PALM2AKAP2: variants seen among roughly 807,000 people sequenced by gnomAD.
PALM2AKAP2 encodes PALM2 and AKAP2 fusion, also known as PALM2-AKAP2 fusion protein.
In PALM2AKAP2, 37 loss-of-function variants were observed where a neutral mutation model predicts 71.5. The ratio of observed to expected loss-of-function variants is 0.52; its 90% confidence interval spans 0.40 to 0.68. The LOEUF (loss-of-function observed/expected upper bound fraction) is 0.68. Ranked by LOEUF, PALM2AKAP2 falls within the 30% of genes least tolerant of loss-of-function variation. The pLI, the probability that PALM2AKAP2 is intolerant of heterozygous loss-of-function variation, is 0.00. For synonymous variants in PALM2AKAP2, 468 were observed against 478.8 expected, an observed-to-expected ratio of 0.98 and a Z score of 0.29; for missense variants, 1,224 against 1,191.8, an observed-to-expected ratio of 1.03 and a Z score of -0.40.
intron 6 of PALM2AKAP2, among the ~76,000 whole-genome samples, chr9:110,003,416 C>A (rs1165890487): frequency 6.6e-6 from 1 of 152,078 alleles, no homozygotes; most frequent in Non-Finnish European, 1.5e-5. Context: ...AATTTCTATT[C>A]TTTTACATTT....
At chr9:110,034,782 T>G (rs1833351488) in intron 7 of PALM2AKAP2, among the ~76,000 whole-genome samples, 1 of 151,768 alleles carries the variant, frequency 6.6e-6, no homozygotes, top group Non-Finnish European at 1.5e-5. Flanking sequence ...TTTTTGTATT[T>G]TTAGTAGAGA....
chr9:109,845,465 T>TTC (rs1183353861), intron 1 of PALM2AKAP2, among the ~76,000 whole-genome samples: 1 of 152,236 alleles, frequency 6.6e-6, no homozygotes, highest in Admixed American at 6.5e-5. Flanking sequence ...ACTGTGGTGC[T>TTC]TCTCAGTATA....
upstream of PALM2AKAP2, among the ~76,000 whole-genome samples, chr9:109,779,016 C>A (rs1050994430): frequency 6.6e-6 from 1 of 152,062 alleles, no homozygotes; most frequent in East Asian, 1.9e-4. Flanking sequence ...GTGATCCACC[C>A]GCCTTGGCCT....
At chr9:109,835,210 AG>A (rs941629737) in intron 1 of PALM2AKAP2, among the ~76,000 whole-genome samples, 13 of 126,548 alleles carry the variant, frequency 1.0e-4, no homozygotes, top group Admixed American at 9.2e-4. Flanking sequence ...GAAAGAGGGG[AG>A]GGTGTAGGGA....
At chr9:109,676,922 AGT>A (rs1471353112) in intron 1 of PALM2AKAP2, among the ~76,000 whole-genome samples, 1 of 152,154 alleles carries the variant, frequency 6.6e-6, no homozygotes, top group Non-Finnish European at 1.5e-5. Context: ...ACTGTAATTG[AGT>A]GTTATTTAGT....
At chr9:109,911,310 G>A (rs1169751795) in intron 3 of PALM2AKAP2, among the ~76,000 whole-genome samples, 1 of 152,146 alleles carries the variant, frequency 6.6e-6, no homozygotes, top group East Asian at 1.9e-4. Flanking sequence ...TCACAACAAA[G>A]AAATCAGTGC....
At chr9:110,055,072 T>C (rs1266590686) in intron 1 of PALM2AKAP2, among the ~76,000 whole-genome samples, 1 of 152,208 alleles carries the variant, frequency 6.6e-6, no homozygotes, top group East Asian at 1.9e-4. Context: ...CTTCTATTTT[T>C]CATTAGTTGA....
At chr9:110,099,223 G>A (rs528132248) in intron 1 of PALM2AKAP2, among the ~76,000 whole-genome samples, 1 of 152,250 alleles carries the variant, frequency 6.6e-6, no homozygotes, top group African/African-American at 2.4e-5. Flanking sequence ...TTTTTCCTAC[G>A]GAATCAATTT....
At chr9:110,048,718 G>A (rs1447376857) in exon 1 of PALM2AKAP2, 2 of 1,548,050 alleles carry the variant, frequency 1.3e-6, no homozygotes, top group Non-Finnish European at 1.7e-6. Context: ...GCCCCAGCCC[G>A]GGGCTGCCGC....
intron 6 of PALM2AKAP2, among the ~76,000 whole-genome samples, chr9:109,992,945 A>ATG (rs35450108): frequency 7.1e-6 from 1 of 140,490 alleles, no homozygotes; most frequent in Non-Finnish European, 1.6e-5. Context: ...ATATGTATAT[A>ATG]TATATATATA....
intron 1 of PALM2AKAP2, among the ~76,000 whole-genome samples, chr9:109,727,639 G>A (rs747422379): frequency 6.6e-6 from 1 of 152,136 alleles, no homozygotes; most frequent in Non-Finnish European, 1.5e-5. Context: ...TTTACTAGAG[G>A]CAAAATGAAT....
At chr9:110,118,426 T>G (rs1181358972) in intron 1 of PALM2AKAP2, among the ~76,000 whole-genome samples, 1 of 152,042 alleles carries the variant, frequency 6.6e-6, no homozygotes. Flanking sequence ...TTTTGTATTT[T>G]TAGTAGAGAC....
chr9:110,117,973 T>TTGTGTGTGTGTGTGTG (rs1171400897), intron 1 of PALM2AKAP2, among the ~76,000 whole-genome samples: 32 of 138,560 alleles, frequency 2.3e-4, no homozygotes, highest in South Asian at 4.7e-4. Flanking sequence ...ATATGTCGTT[T>TTGTGTGTGTGTGTGTG]TGTGTGTGTG....
chr9:109,947,301 T>G (rs533603272), intron 6 of PALM2AKAP2, among the ~76,000 whole-genome samples: 6 of 152,242 alleles, frequency 3.9e-5, no homozygotes, highest in African/African-American at 1.4e-4. Context: ...ATATTTTGTT[T>G]TGGTTAAAGT....
chr9:109,961,891 C>T (rs1455150528), intron 6 of PALM2AKAP2, among the ~76,000 whole-genome samples: 1 of 152,202 alleles, frequency 6.6e-6, no homozygotes, highest in Non-Finnish European at 1.5e-5. Context: ...ACAGCAGAAC[C>T]ACTATCAAGT....
intron 3 of PALM2AKAP2, among the ~76,000 whole-genome samples, chr9:109,895,229 G>A (rs2131827726): frequency 6.6e-6 from 1 of 152,354 alleles, no homozygotes; most frequent in Admixed American, 6.5e-5. Context: ...TTCCTTGAAA[G>A]CAGCTGTTTC....
chr9:109,733,059 T>G (rs545625544), intron 1 of PALM2AKAP2, among the ~76,000 whole-genome samples: 9 of 152,240 alleles, frequency 5.9e-5, no homozygotes, highest in East Asian at 1.9e-4. Flanking sequence ...TTATATTCTA[T>G]AGGGGCTGGG....
intron 3 of PALM2AKAP2, among the ~76,000 whole-genome samples, chr9:109,895,828 C>T (rs987852770): frequency 6.6e-6 from 1 of 152,154 alleles, no homozygotes; most frequent in Non-Finnish European, 1.5e-5. Flanking sequence ...AACTTACAAT[C>T]ATGGCAGAAG....
intron 1 of PALM2AKAP2, among the ~76,000 whole-genome samples, chr9:109,719,936 C>T (rs1466859944): frequency 6.6e-6 from 1 of 152,054 alleles, no homozygotes; most frequent in Non-Finnish European, 1.5e-5. Flanking sequence ...TGGAGAGTGA[C>T]ATGTAACACA....
Sources: gnomAD v4.1 joint callset for allele counts (sites outside exome capture counted in the v4.1 genomes callset) on GRCh38, gnomAD v4.1.1 for gene constraint, MANE v1.5 for transcripts, NCBI Gene and HGNC (gene_info 2026-07-23, HGNC 2026-07-21) for gene names.